DNAH14: variants seen among roughly 807,000 people sequenced by gnomAD.
DNAH14 encodes axonemal beta dynein heavy chain 14.
In DNAH14, 478 loss-of-function variants were observed where a neutral mutation model predicts 520.9. The observed-to-expected ratio is 0.92, with a 90% CI of 0.85 to 0.99. The LOEUF (loss-of-function observed/expected upper bound fraction) is 0.99. Ranked by LOEUF, DNAH14 falls within the 50% of genes least tolerant of loss-of-function variation. The pLI, the probability that DNAH14 is intolerant of heterozygous loss-of-function variation, is 0.00. For synonymous variants in DNAH14, 1,581 were observed against 1,757.2 expected (o/e 0.90, Z 2.51); for missense variants, 4,831 against 5,234.5 (o/e 0.92, Z 2.38).
chr1:225,153,648 C>T (rs1228431378), intron 33 of DNAH14, 102 bp from the exon 34 acceptor site: 11 of 743,062 alleles, frequency 1.5e-5, no homozygotes, highest in Non-Finnish European at 2.1e-5. Context: ...TGTTTCCCTG[C>T]AGAGCATAGA....
rs944437030 is a variant in DNAH14, at chr1:225,399,118, C to T, written c.13703C>T (p.Pro4568Leu). ...TDSELYAFEC[P>L]VYQTPERSRI... ...TCAGAACTCTATGCTTTTGAATGCC[C>T]AGTTTACCAGACACCTGAGAGGTCA... The change falls in exon 86 of 86, where the codon CCA becomes CTA. Residue 4568 changes from proline to leucine, a missense_variant. By Grantham distance (98) the Pro-to-Leu change is moderately conservative. Transcript: ENST00000682510. The T allele has an allele frequency of 2.6e-6, 4 of 1,551,684 alleles. No individual in the cohort carries two copies. The highest frequency in any genetic ancestry group is 2.0e-5 in the Admixed American group (1 of 50,972).
intron 55 of DNAH14, among the ~76,000 whole-genome samples, chr1:225,298,770 A>G (rs559739731): frequency 1.2e-4 from 18 of 152,336 alleles, no homozygotes; most frequent in Admixed American, 6.5e-5. Context: ...ATGCAGCTGC[A>G]TGAATTTCCA....
intron 44 of DNAH14, among the ~76,000 whole-genome samples, chr1:225,256,370 A>G (rs2092734165): frequency 6.6e-6 from 1 of 152,182 alleles, no homozygotes; most frequent in Admixed American, 6.5e-5. Context: ...GGAAGTAAAC[A>G]TTGCAAGATT....
At chr1:224,961,384 C>T (rs2060835657) in intron 4 of DNAH14, 1 of 152,054 alleles carries the variant, frequency 6.6e-6, no homozygotes, top group African/African-American at 2.4e-5. Flanking sequence ...TTGTATTAGT[C>T]CTTTCTCACA....
chr1:225,264,331 C>T, intron 47 of DNAH14, 70 bp downstream of exon 47: 1 of 1,198,384 alleles, frequency 8.3e-7, no homozygotes, highest in Non-Finnish European at 1.2e-6. Context: ...TATATTATTT[C>T]TTACATTCAT....
intron 73 of DNAH14, among the ~76,000 whole-genome samples, chr1:225,357,182 AT>A (rs150815088): frequency 0.039 from 5,967 of 152,236 alleles, 170 homozygotes; most frequent in Middle Eastern, 0.075. Context: ...AAAAGAGGGG[AT>A]GAAAGAGGAC....
chr1:225,215,195 A>G (rs897681218), intron 41 of DNAH14, among the ~76,000 whole-genome samples: 1 of 152,170 alleles, frequency 6.6e-6, no homozygotes, highest in Non-Finnish European at 1.5e-5. Flanking sequence ...CAGGTTGTTC[A>G]GTTTCCATGT....
chr1:225,209,649 A>G (rs891592392), intron 41 of DNAH14, among the ~76,000 whole-genome samples: 1 of 152,188 alleles, frequency 6.6e-6, no homozygotes, highest in African/African-American at 2.4e-5. Flanking sequence ...ATTTGTTAAT[A>G]TCAATATGGT....
chr1:225,290,647 GTATATATATATATATATATA>G (rs56045354), intron 55 of DNAH14, among the ~76,000 whole-genome samples: 23 of 57,572 alleles, frequency 4.0e-4, no homozygotes, highest in East Asian at 1.1e-3. Flanking sequence ...GTGTGTGTGT[GTATATATATATATATATATA>G]TATATATATA....
intron 81 of DNAH14, among the ~76,000 whole-genome samples, 154 bp downstream of exon 81, chr1:225,381,733 G>A (rs2095786192): frequency 6.6e-6 from 1 of 152,198 alleles, no homozygotes; most frequent in African/African-American, 2.4e-5. Flanking sequence ...CATCTCTGAA[G>A]TTGGAATGCC....
intron 66 of DNAH14, among the ~76,000 whole-genome samples, chr1:225,335,029 TACATATATAC>T (rs928721612): frequency 1.0e-4 from 15 of 149,012 alleles, no homozygotes; most frequent in South Asian, 2.1e-4. Flanking sequence ...TATATATACA[TACATATATAC>T]ACATATATAC....
chr1:225,157,906 A>G (rs1241616946), intron 34 of DNAH14, among the ~76,000 whole-genome samples: 1 of 152,216 alleles, frequency 6.6e-6, no homozygotes, highest in Non-Finnish European at 1.5e-5. Flanking sequence ...CTCCCATTGT[A>G]ATAATGGAGT....
At chr1:225,216,731 G>A (rs906286887) in intron 41 of DNAH14, among the ~76,000 whole-genome samples, 3 of 152,120 alleles carry the variant, frequency 2.0e-5, no homozygotes, top group African/African-American at 7.2e-5. Context: ...CTTGTGCCAT[G>A]GTTTTCAGCT....
intron 52 of DNAH14, among the ~76,000 whole-genome samples, chr1:225,274,624 A>G (rs896508257): frequency 2.6e-5 from 4 of 152,206 alleles, no homozygotes; most frequent in Admixed American, 6.5e-5. Context: ...CAAACTCCCT[A>G]TAAATGCCAA....
At chr1:225,191,800 C>T (rs1559240472) in intron 37 of DNAH14, among the ~76,000 whole-genome samples, 1 of 151,846 alleles carries the variant, frequency 6.6e-6, no homozygotes, top group Non-Finnish European at 1.5e-5. Context: ...CAGGTTTGCT[C>T]ATTCTTTTTT....
intron 41 of DNAH14, among the ~76,000 whole-genome samples, chr1:225,230,301 G>A (rs895523235): frequency 1.3e-5 from 2 of 151,950 alleles, no homozygotes; most frequent in African/African-American, 4.8e-5. Flanking sequence ...CTAAAAAGCA[G>A]AATCAGCACT....
chr1:225,133,624 T>A (rs987828197), intron 27 of DNAH14, among the ~76,000 whole-genome samples: 5 of 152,224 alleles, frequency 3.3e-5, no homozygotes, highest in Admixed American at 2.6e-4. Context: ...TTTTGGTCAC[T>A]GTAGCCTTGT....
At chr1:225,385,803 C>T (rs2095834897) in intron 81 of DNAH14, among the ~76,000 whole-genome samples, 2 of 152,118 alleles carry the variant, frequency 1.3e-5, no homozygotes, top group Non-Finnish European at 2.9e-5. Context: ...GGCCATACTA[C>T]CCAAGGTAAT....
At chr1:225,229,036 G>A (rs938662770) in intron 41 of DNAH14, among the ~76,000 whole-genome samples, 6 of 152,128 alleles carry the variant, frequency 3.9e-5, no homozygotes, top group South Asian at 4.2e-4. Context: ...TCTACTCAGC[G>A]GGGTTGACAA....
Sources: gnomAD v4.1 joint callset for allele counts (sites outside exome capture counted in the v4.1 genomes callset) on GRCh38, gnomAD v4.1.1 for gene constraint, MANE v1.5 for transcripts, NCBI Gene and HGNC (gene_info 2026-07-23, HGNC 2026-07-21) for gene names.